PALM2AKAP2: variants seen among roughly 807,000 people sequenced by gnomAD.
PALM2AKAP2 encodes PALM2 and AKAP2 fusion.
A neutral mutation model predicts 71.5 loss-of-function variants in PALM2AKAP2; 37 were observed. That is an observed-to-expected ratio of 0.52 (90% confidence interval 0.40 to 0.68). The LOEUF is 0.68. Ranked by LOEUF, PALM2AKAP2 falls within the 30% of genes least tolerant of loss-of-function variation. The pLI is 0.00. For synonymous variants in PALM2AKAP2, 468 were observed against 478.8 expected (o/e 0.98, Z 0.29); for missense variants, 1,224 against 1,191.8 (o/e 1.03, Z -0.40).
rs559415723 is a variant in PALM2AKAP2 at position 109,644,406 on chromosome 9, C to A, written c.5+3540C>A. On this transcript the variant is annotated intron_variant, in intron 1 of 6. Transcript: ENST00000374531. ...ACTGTAACCAACTTATATTTATAAA[C>A]ATTTATTAAAAGAGGGAATTAAATT... is the stretch of plus-strand genomic sequence containing the variant. Among the ~76,000 whole-genome samples the A allele has an allele frequency of 4.6e-5, 7 of 152,198 alleles. No homozygotes were observed. The South Asian group carries it at 1.5e-3, about 32-fold the overall frequency.
chr9:110,032,414 C>T (rs560715111), intron 7 of PALM2AKAP2, among the ~76,000 whole-genome samples: 4 of 151,992 alleles, frequency 2.6e-5, no homozygotes, highest in South Asian at 2.1e-4. Context: ...AAAAAACCGC[C>T]GGGTGCGGTG....
chr9:110,121,755 C>T (rs913931833), intron 1 of PALM2AKAP2, among the ~76,000 whole-genome samples: 1 of 152,170 alleles, frequency 6.6e-6, no homozygotes, highest in Non-Finnish European at 1.5e-5. Context: ...CTACAAGCTG[C>T]GCCTCCTTCT....
chr9:109,716,802 A>G (rs934880462), intron 1 of PALM2AKAP2, among the ~76,000 whole-genome samples: 1 of 152,204 alleles, frequency 6.6e-6, no homozygotes, highest in Non-Finnish European at 1.5e-5. Flanking sequence ...GAGGTCCCAC[A>G]TGTGTACATC....
intron 1 of PALM2AKAP2, among the ~76,000 whole-genome samples, chr9:109,768,055 GAAA>G (rs1179918448): frequency 2.4e-5 from 1 of 42,394 alleles, no homozygotes; most frequent in Non-Finnish European, 3.9e-5. Context: ...AGGAAGGAAA[GAAA>G]AACAGTGAAG....
chr9:109,971,622 C>G (rs766882461), intron 6 of PALM2AKAP2, among the ~76,000 whole-genome samples: 35 of 152,160 alleles, frequency 2.3e-4, no homozygotes, highest in Non-Finnish European at 4.4e-4. Flanking sequence ...GATAGGGTTT[C>G]ACCATGTTGG....
intron 1 of PALM2AKAP2, among the ~76,000 whole-genome samples, chr9:109,717,605 T>C (rs556117961): frequency 1.7e-4 from 26 of 152,342 alleles, no homozygotes; most frequent in African/African-American, 5.5e-4. Flanking sequence ...ATAGAAGGTC[T>C]TCTTCTTTTG....
At chr9:109,917,867 G>A (rs371924632) in intron 3 of PALM2AKAP2, among the ~76,000 whole-genome samples, 17 of 152,076 alleles carry the variant, frequency 1.1e-4, no homozygotes, top group African/African-American at 3.9e-4. Context: ...GGCCAGAGCT[G>A]TCCCATGGCC....
intron 1 of PALM2AKAP2, among the ~76,000 whole-genome samples, chr9:109,765,933 A>T (rs1375837668): frequency 6.6e-6 from 1 of 152,150 alleles, no homozygotes; most frequent in African/African-American, 2.4e-5. Flanking sequence ...ACCAATTGTG[A>T]TGGAGGCCAC....
chr9:109,904,546 C>T (rs1830402415), intron 3 of PALM2AKAP2, among the ~76,000 whole-genome samples: 1 of 152,156 alleles, frequency 6.6e-6, no homozygotes, highest in Admixed American at 6.5e-5. Context: ...ATTTCTAAAA[C>T]AAATCTAGTC....
chr9:110,120,892 G>A (rs905229900), intron 1 of PALM2AKAP2, among the ~76,000 whole-genome samples: 2 of 152,200 alleles, frequency 1.3e-5, no homozygotes, highest in Admixed American at 1.3e-4. Context: ...GGCGAAGGCC[G>A]GGAGTTGACA....
chr9:110,136,650 A>T, exon 2 of PALM2AKAP2: 1 of 1,614,136 alleles, frequency 6.2e-7, no homozygotes, highest in African/African-American at 1.3e-5. Context: ...TCCCCCAGCC[A>T]GCCTAGAGAT....
chr9:109,919,519 C>T (rs1830775292), intron 3 of PALM2AKAP2, among the ~76,000 whole-genome samples: 2 of 152,012 alleles, frequency 1.3e-5, no homozygotes, highest in African/African-American at 4.8e-5. Flanking sequence ...AAGGTGTGCC[C>T]TGTTTCCCTC....
rs1352441687 is a variant in PALM2AKAP2, at chr9:109,932,037, T to C, written c.496+9T>C. On this transcript the variant is annotated intron_variant, in intron 6 of 9. Transcript: ENST00000302798. ...GACCAGCAGAGCGGCTGGTAAGTCCTGGGGACCTTTGGACGCTAGGATGGT... is the reference window on the plus strand; with the variant it reads ...GACCAGCAGAGCGGCTGGTAAGTCCCGGGGACCTTTGGACGCTAGGATGGT... The C allele has an allele frequency of 6.2e-7, 1 of 1,610,146 alleles. No individual in the cohort carries two copies. Among genetic ancestry groups the C allele is most frequent in the Admixed American group, 1.7e-5 (1 of 59,874 alleles).
chr9:109,648,534 A>T (rs11788715), intron 1 of PALM2AKAP2, among the ~76,000 whole-genome samples: 32,665 of 152,106 alleles, frequency 0.21, 3,659 homozygotes, highest in African/African-American at 0.3. Flanking sequence ...ATGTTAAAAA[A>T]ATTAAGCACA....
intron 6 of PALM2AKAP2, among the ~76,000 whole-genome samples, chr9:109,970,838 G>T (rs369272779): frequency 2.0e-5 from 3 of 152,318 alleles, no homozygotes; most frequent in Admixed American, 2.0e-4. Context: ...CAGGTGCCGG[G>T]GCTCATGCCT....
intron 1 of PALM2AKAP2, among the ~76,000 whole-genome samples, chr9:109,643,315 C>A (rs767975026): frequency 3.9e-5 from 6 of 152,250 alleles, no homozygotes; most frequent in Non-Finnish European, 5.9e-5. Context: ...TTACAAGAGA[C>A]TGAACATAGA....
chr9:110,068,755 A>ACTCCTGGCCTCGAG (rs1834141869), intron 1 of PALM2AKAP2, among the ~76,000 whole-genome samples: 1 of 151,696 alleles, frequency 6.6e-6, no homozygotes, highest in African/African-American at 2.4e-5. Context: ...CTGGTCTCGA[A>ACTCCTGGCCTCGAG]CTCCTGGCCT....
chr9:109,793,894 A>G (rs1399944757), intron 1 of PALM2AKAP2, among the ~76,000 whole-genome samples: 1 of 152,244 alleles, frequency 6.6e-6, no homozygotes, highest in Non-Finnish European at 1.5e-5. Flanking sequence ...GTCTATGGCT[A>G]AGTTTGTGCT....
At chr9:110,168,656 A>G (rs1176946649) in exon 4 of PALM2AKAP2, 2 of 905,652 alleles carry the variant, frequency 2.2e-6, no homozygotes, top group Non-Finnish European at 3.2e-6. Context: ...TGAAAATGAA[A>G]CGAAAAGGAA....
Sources: gnomAD v4.1 joint callset for allele counts (sites outside exome capture counted in the v4.1 genomes callset) on GRCh38, gnomAD v4.1.1 for gene constraint, MANE v1.5 for transcripts, NCBI Gene and HGNC (gene_info 2026-07-23, HGNC 2026-07-21) for gene names.